Variants in SNN observed in about 807,000 individuals in gnomAD.
The protein encoded by SNN is AG8_1.
SNN carries 5 observed loss-of-function variants against 5.3 expected under a neutral mutation model. The ratio of observed to expected loss-of-function variants is 0.94; its 90% CI spans 0.49 to 1.97. The LOEUF is 1.97. Among genes scored for constraint, SNN ranks in the 30% most tolerant of loss-of-function variants. SNN has a pLI of 0.01. For synonymous variants in SNN, 67 were observed against 52.1 expected (o/e 1.29, Z -1.24); for missense variants, 127 against 121.6 (o/e 1.04, Z -0.21).
intron 1 of SNN, among the ~76,000 whole-genome samples, chr16:11,673,546 A>G (rs2050279435): frequency 6.6e-6 from 1 of 152,218 alleles, no homozygotes; most frequent in Non-Finnish European, 1.5e-5. Flanking sequence ...GATAGGTGCC[A>G]GCAATATCCA....
intron 1 of SNN, among the ~76,000 whole-genome samples, chr16:11,675,498 C>T (rs1025836348): frequency 5.3e-5 from 8 of 152,148 alleles, no homozygotes; most frequent in Admixed American, 4.6e-4. Flanking sequence ...AACTCCTGGG[C>T]TCAAGTGATC....
rs1330632447 is a variant in SNN, at chr16:11,672,101, A to C, written c.-86+3561A>C. 1.3e-5 allele frequency among the ~76,000 whole-genome samples: 2 copies of C among 152,144 alleles called. No individual in the cohort carries two copies. Among genetic ancestry groups the C allele is most frequent in the African/African-American group, 4.8e-5 (2 of 41,440 alleles). On this transcript the variant is annotated intron_variant, in intron 1 of 1. Coordinates refer to ENST00000329565, the MANE Select transcript of SNN (RefSeq NM_003498.6). The surrounding 1 kb of genome is among the most constrained non-coding windows in gnomAD (Gnocchi z 6.0). ...GACCCCCCCACCTATGATCCCCCTG[A>C]GAACAGGGTCTCCTCTAACTCATCA... is the stretch of plus-strand genomic sequence containing the variant.
At chr16:11,670,796 C>T (rs1207302546) in intron 1 of SNN, among the ~76,000 whole-genome samples, 1 of 152,172 alleles carries the variant, frequency 6.6e-6, no homozygotes, top group Non-Finnish European at 1.5e-5. Context: ...ATGGAGTGGC[C>T]TCTGGAGTGG....
intron 1 of SNN, 50 bp from the exon 2 acceptor site, chr16:11,675,925 G>T (rs957379970): frequency 3.3e-6 from 3 of 903,814 alleles, no homozygotes; most frequent in Non-Finnish European, 4.9e-6. Context: ...ATTAAAAATA[G>T]ACCCCGTGGA....
rs1177762771 is a variant in SNN, at chr16:11,672,845, C to T, written c.-85-3130C>T. ...CTCAGTTTCCTCATTAGTCCTGGGGCCAGTGGTTGAACTGGGGCCCTTGAA... is the reference window on the plus strand; with the variant it reads ...CTCAGTTTCCTCATTAGTCCTGGGGTCAGTGGTTGAACTGGGGCCCTTGAA... On this transcript the variant is annotated intron_variant, in intron 1 of 1. Transcript: ENST00000329565. The surrounding 1 kb of genome is among the most constrained non-coding windows in gnomAD (Gnocchi z 6.0). 6.6e-6 allele frequency among the ~76,000 whole-genome samples: 1 copy of T among 152,080 alleles called. No homozygotes were observed. The highest frequency in any genetic ancestry group is 1.5e-5 in the Non-Finnish European group (1 of 68,018).
rs2050244296 is a variant in SNN at position 11,668,617 on chromosome 16, G to C, written c.-86+77G>C. ...CCCGGGGGCGGGAAGGGGGAGGCCA[G>C]GACGAGGAGGGGCGCGCGCGGCGGC... On this transcript the variant is annotated intron_variant, in intron 1 of 1. Coordinates refer to ENST00000329565, the MANE Select transcript of SNN (RefSeq NM_003498.6). This position sits in a 1 kb window ranked among gnomAD's most constrained non-coding sequence, Gnocchi z 6.8. The C allele has an allele frequency of 6.9e-6, 1 of 145,138 alleles. No individual in the cohort carries two copies. Among genetic ancestry groups the C allele is most frequent in the South Asian group, 1.8e-4 (1 of 5,454 alleles). The allele number at this position is 145,138 out of a possible 1,614,324, so 9.0% of individuals were successfully genotyped here.
Position 11,679,115 on chromosome 16 carries a change from A to T in SNN, c.*2789A>T. On this transcript the variant is annotated 3_prime_UTR_variant, in exon 2 of 2. Coordinates refer to ENST00000329565, the MANE Select transcript of SNN (RefSeq NM_003498.6). The surrounding 1 kb of genome is among the most constrained non-coding windows in gnomAD (Gnocchi z 4.6). ...GACCACTGAGAAAATCTTTATTTAC[A>T]ATAAATTTCAATAAAATTTGCATAA... 1 of 1,426,370 alleles carries T rather than the reference A, an allele frequency of 7.0e-7. No individual in the cohort carries two copies. The highest frequency in any genetic ancestry group is 2.4e-5 in the East Asian group (1 of 41,460). 88.4% of individuals were successfully genotyped at this position (1,426,370 alleles called of 1,614,324 possible). A position where few individuals can be genotyped will look rare whatever the true frequency, so the allele number is the denominator to read the frequency against.
intron 1 of SNN, among the ~76,000 whole-genome samples, chr16:11,674,421 A>C (rs944722230): frequency 3.3e-5 from 5 of 152,224 alleles, no homozygotes; most frequent in African/African-American, 4.8e-5. Context: ...TGGCCTCAGC[A>C]TGCTCTCACT....
Position 11,678,860 on chromosome 16 carries a change from C to T in SNN, c.*2534C>T, listed in dbSNP as rs1044040273. On this transcript the variant is annotated 3_prime_UTR_variant, in exon 2 of 2. Transcript: ENST00000329565. ...CAACTGTTGCATTCAAGTTTTCTGA[C>T]TAATAAGAAATTAAGCATTCATCCT... 3.7e-6 allele frequency: 1 copy of T among 267,486 alleles called. No homozygotes were observed. Among genetic ancestry groups the T allele is most frequent in the Non-Finnish European group, 7.6e-6 (1 of 131,026 alleles). The allele number at this position is 267,486 out of a possible 1,614,324, so 16.6% of individuals were successfully genotyped here.
At chr16:11,673,151 G>A (rs2050276754) in intron 1 of SNN, among the ~76,000 whole-genome samples, 1 of 152,156 alleles carries the variant, frequency 6.6e-6, no homozygotes, top group African/African-American at 2.4e-5. Context: ...GAACACAGAG[G>A]TTGGGACGAG....
Position 11,676,134 on chromosome 16 carries a change from G to C in SNN, c.75G>C (p.Leu25=), listed in dbSNP as rs538666576. The C allele has an allele frequency of 6.2e-7, 1 of 1,613,510 alleles. No homozygotes were observed. Residue 25 remains leucine (L), a synonymous_variant, in exon 2 of 2, where the codon CTG becomes CTC. Transcript: ENST00000329565. ...VIVILIAIAA[L]GALILGCWCY... is the part of the protein sequence containing the mutation. Reference sequence around the variant, plus strand: ...TCATCCTCATTGCCATCGCGGCCCTGGGGGCCTTGATCCTGGGCTGCTGGT... The same window carrying C: ...TCATCCTCATTGCCATCGCGGCCCTCGGGGCCTTGATCCTGGGCTGCTGGT...
Position 11,677,708 on chromosome 16 carries a change from C to G in SNN, c.*1382C>G, listed in dbSNP as rs983695904. 1 of 167,010 alleles carries G rather than the reference C, an allele frequency of 6.0e-6. No individual in the cohort carries two copies. The highest frequency in any genetic ancestry group is 1.5e-5 in the Non-Finnish European group (1 of 68,116). 10.3% of individuals were successfully genotyped at this position (167,010 alleles called of 1,614,324 possible). ...TTGATTTTTAATCCCACCACAAGCACATACTAATTTTATTTATGATTCAAA... is the reference window on the plus strand; with the variant it reads ...TTGATTTTTAATCCCACCACAAGCAGATACTAATTTTATTTATGATTCAAA... On this transcript the variant is annotated 3_prime_UTR_variant, in exon 2 of 2. Coordinates refer to ENST00000329565, the MANE Select transcript of SNN (RefSeq NM_003498.6). The surrounding 1 kb of genome is among the most constrained non-coding windows in gnomAD (Gnocchi z 4.2).
At chr16:11,669,874 T>A (rs2050256337) in intron 1 of SNN, among the ~76,000 whole-genome samples, 1 of 152,146 alleles carries the variant, frequency 6.6e-6, no homozygotes, top group African/African-American at 2.4e-5. Flanking sequence ...CTGGAGCGAG[T>A]TTCCTCTTCT....
chr16:11,669,601 G>A (rs1481001689), intron 1 of SNN, among the ~76,000 whole-genome samples: 1 of 152,232 alleles, frequency 6.6e-6, no homozygotes, highest in Non-Finnish European at 1.5e-5. Flanking sequence ...AGGCAGAAAG[G>A]AGACATCTGC....
intron 1 of SNN, among the ~76,000 whole-genome samples, chr16:11,674,555 C>T (rs1452348245): frequency 6.6e-6 from 1 of 152,270 alleles, no homozygotes; most frequent in African/African-American, 2.4e-5. Flanking sequence ...CATGGGTGAA[C>T]TCCGTGGCTC....
At chr16:11,675,431 C>T (rs2050294725) in intron 1 of SNN, among the ~76,000 whole-genome samples, 1 of 151,954 alleles carries the variant, frequency 6.6e-6, no homozygotes, top group Non-Finnish European at 1.5e-5. Context: ...CCATGCCCAG[C>T]TAATTATTGT....
In SNN at chr16:11,668,822, C is replaced by T. The variant is rs548496949; in HGVS notation, c.-86+282C>T. Among the ~76,000 whole-genome samples, 207 of 151,604 alleles carry T rather than the reference C, an allele frequency of 1.4e-3. 1 individual carries two copies. The highest frequency in any genetic ancestry group is 3.5e-3 in the Admixed American group (54 of 15,258). On this transcript the variant is annotated intron_variant, in intron 1 of 1. Coordinates refer to ENST00000329565, the MANE Select transcript of SNN (RefSeq NM_003498.6). The surrounding 1 kb of genome is among the most constrained non-coding windows in gnomAD (Gnocchi z 6.8). ...CGCTTTGTGGGGATCGCGGGGCGCT[C>T]GCCCCCGCCCGTGCAGCCCCCGCCC...
intron 1 of SNN, among the ~76,000 whole-genome samples, chr16:11,675,327 G>GC (rs2050293431): frequency 6.7e-6 from 1 of 149,728 alleles, no homozygotes; most frequent in African/African-American, 2.5e-5. Flanking sequence ...GAGCGCAGTG[G>GC]TGAGATCTCG....
Position 11,678,848 on chromosome 16 carries a change from C to G in SNN, c.*2522C>G, listed in dbSNP as rs2050333068. The stretch of plus-strand genomic sequence containing the variant: ...TTTTTGAATGCCCAACTGTTGCATT[C>G]AAGTTTTCTGACTAATAAGAAATTA... On this transcript the variant is annotated 3_prime_UTR_variant, in exon 2 of 2. Coordinates refer to ENST00000329565, the MANE Select transcript of SNN (RefSeq NM_003498.6). The G allele has an allele frequency of 3.8e-6, 1 of 262,536 alleles. No homozygotes were observed. Among genetic ancestry groups the G allele is most frequent in the African/African-American group, 2.3e-5 (1 of 42,704 alleles). The allele number at this position is 262,536 out of a possible 1,614,324, so 16.3% of individuals were successfully genotyped here.
Sources: allele counts gnomAD v4.1 joint callset (sites outside exome capture counted in the v4.1 genomes callset), GRCh38; gene constraint gnomAD v4.1.1; non-coding constraint Gnocchi (gnomAD v3.1); transcripts MANE v1.5; gene names NCBI Gene and HGNC (gene_info 2026-07-23, HGNC 2026-07-21).